RAPGEF4: variants seen among roughly 807,000 people sequenced by gnomAD.
The protein encoded by RAPGEF4 is RAP guanine-nucleotide-exchange factor (GEF) 4.
Under a neutral mutation model 147.9 loss-of-function variants are expected in RAPGEF4, and 66 were observed. The observed-to-expected ratio is 0.45, with a 90% CI of 0.37 to 0.55. The LOEUF (loss-of-function observed/expected upper bound fraction) is 0.55, where lower values mean the gene tolerates loss of function less well. Among genes scored for constraint, RAPGEF4 ranks in the 20% least tolerant of loss-of-function variants. The probability of loss-of-function intolerance (pLI) is 0.00; values close to 1 mark genes in which losing one functional copy is unlikely to be tolerated. For synonymous variants in RAPGEF4, 419 were observed against 442.7 expected, an observed-to-expected ratio of 0.95 and a Z score of 0.67; for missense variants, 1,071 against 1,257.3, an observed-to-expected ratio of 0.85 and a Z score of 2.24.
intron 1 of RAPGEF4, among the ~76,000 whole-genome samples, chr2:172,779,953 T>C (rs1472947960): frequency 3.9e-5 from 6 of 152,236 alleles, no homozygotes; most frequent in Non-Finnish European, 8.8e-5. Flanking sequence ...TAACCACTAA[T>C]GCCAGTTTTC....
rs113133768 is a variant in RAPGEF4, at chr2:172,817,347, C to T, written c.444+2922C>T. Among the ~76,000 whole-genome samples the T allele has an allele frequency of 1.7e-3, 263 of 152,210 alleles. 1 individual carries two copies. Among genetic ancestry groups the T allele is most frequent in the Middle Eastern group, 3.4e-3 (1 of 294 alleles). On this transcript the variant is annotated intron_variant, in intron 4 of 30. Coordinates refer to ENST00000397081, the MANE Select transcript of RAPGEF4 (RefSeq NM_007023.4). Reference sequence around the variant, plus strand: ...GATGATCTATACATGGCATATATAGCGCTAATCTGCTTGCAAAATATTTGA... The same window carrying T: ...GATGATCTATACATGGCATATATAGTGCTAATCTGCTTGCAAAATATTTGA...
intron 6 of RAPGEF4, among the ~76,000 whole-genome samples, chr2:172,931,649 C>T (rs549483654): frequency 6.6e-6 from 1 of 152,062 alleles, no homozygotes; most frequent in East Asian, 1.9e-4. Flanking sequence ...AAAGATGAAC[C>T]GGAATAGACA....
At chr2:172,900,081 C>T (rs910451921) in intron 4 of RAPGEF4, among the ~76,000 whole-genome samples, 9 of 152,250 alleles carry the variant, frequency 5.9e-5, no homozygotes, top group South Asian at 2.1e-4. Context: ...TTCCCCACTC[C>T]GAAGAGGACT....
intron 6 of RAPGEF4, among the ~76,000 whole-genome samples, chr2:172,952,209 T>C (rs1217829916): frequency 6.6e-6 from 1 of 152,064 alleles, no homozygotes; most frequent in African/African-American, 2.4e-5. Flanking sequence ...TAAAGGGAAA[T>C]GTCATAGTGT....
chr2:172,796,324 G>A (rs761910963), intron 2 of RAPGEF4, among the ~76,000 whole-genome samples: 12 of 152,104 alleles, frequency 7.9e-5, no homozygotes, highest in East Asian at 7.7e-4. Context: ...AGTGGCTCAC[G>A]CTTGTAATCC....
At chr2:172,989,679 G>A (rs923675218) in intron 14 of RAPGEF4, among the ~76,000 whole-genome samples, 2 of 152,174 alleles carry the variant, frequency 1.3e-5, no homozygotes, top group African/African-American at 2.4e-5. Context: ...CCCACCACCC[G>A]TGGCTTCTCA....
chr2:172,774,138 A>T (rs1683921945), intron 1 of RAPGEF4, among the ~76,000 whole-genome samples: 1 of 152,206 alleles, frequency 6.6e-6, no homozygotes, highest in African/African-American at 2.4e-5. Context: ...CTAAATGAGG[A>T]TGTGGATTCT....
chr2:172,753,795 T>C (rs896381752), intron 1 of RAPGEF4, among the ~76,000 whole-genome samples: 1 of 152,062 alleles, frequency 6.6e-6, no homozygotes. Flanking sequence ...ACATGTGACA[T>C]AATTGCTACC....
chr2:173,020,588 T>C (rs1409423690), intron 22 of RAPGEF4, 30 bp from the exon 23 acceptor site: 9 of 1,556,124 alleles, frequency 5.8e-6, no homozygotes, highest in African/African-American at 1.4e-5. Flanking sequence ...ATGTATTTAA[T>C]AGGCAATCTC....
At chr2:172,810,446 C>T (rs1297206674) in intron 3 of RAPGEF4, among the ~76,000 whole-genome samples, 1 of 152,200 alleles carries the variant, frequency 6.6e-6, no homozygotes, top group African/African-American at 2.4e-5. Flanking sequence ...ACATGCAGAT[C>T]AACATGCATG....
chr2:172,798,285 A>T (rs1161316709), intron 3 of RAPGEF4, among the ~76,000 whole-genome samples: 1 of 152,116 alleles, frequency 6.6e-6, no homozygotes, highest in East Asian at 1.9e-4. Context: ...AAAGAAAGAA[A>T]GAATATTAAA....
intron 4 of RAPGEF4, among the ~76,000 whole-genome samples, chr2:172,885,267 G>A (rs1559097215): frequency 6.6e-6 from 1 of 152,156 alleles, no homozygotes; most frequent in Admixed American, 6.5e-5. Flanking sequence ...TGGCGGTATT[G>A]GCTTTTCCTT....
intron 10 of RAPGEF4, 125 bp from the exon 11 acceptor site, chr2:172,983,371 C>T: frequency 1.4e-6 from 2 of 1,479,786 alleles, no homozygotes; most frequent in Non-Finnish European, 1.8e-6. Flanking sequence ...ACCTCTCCCT[C>T]CGCCAATATC....
At chr2:172,890,415 G>A (rs1697770230) in intron 4 of RAPGEF4, among the ~76,000 whole-genome samples, 1 of 152,182 alleles carries the variant, frequency 6.6e-6, no homozygotes, top group African/African-American at 2.4e-5. Context: ...TTCTTCGCAA[G>A]GAAGTTAGGC....
intron 3 of RAPGEF4, among the ~76,000 whole-genome samples, chr2:172,809,890 G>A (rs183170548): frequency 2.6e-4 from 40 of 152,220 alleles, no homozygotes; most frequent in Admixed American, 2.4e-3. Context: ...GGATTGCCTG[G>A]GATGGATTTG....
chr2:173,036,519 A>C, intron 28 of RAPGEF4, 109 bp from the exon 29 acceptor site: 1 of 868,202 alleles, frequency 1.2e-6, no homozygotes, highest in East Asian at 2.5e-5. Context: ...AGCTTTTTTC[A>C]ACTGTAGTGT....
chr2:172,856,805 T>C (rs1157809146), intron 4 of RAPGEF4, among the ~76,000 whole-genome samples: 5 of 152,146 alleles, frequency 3.3e-5, no homozygotes, highest in Admixed American at 3.3e-4. Context: ...TTCTAGCTGC[T>C]ATCATTTCCC....
At chr2:172,792,604 G>C (rs1685936165) in intron 1 of RAPGEF4, among the ~76,000 whole-genome samples, 1 of 152,178 alleles carries the variant, frequency 6.6e-6, no homozygotes, top group Admixed American at 6.5e-5. Context: ...GGGCCTAAAA[G>C]TGTGATGGGG....
intron 4 of RAPGEF4, among the ~76,000 whole-genome samples, chr2:172,876,664 A>G (rs1205782708): frequency 5.3e-5 from 8 of 152,154 alleles, no homozygotes; most frequent in African/African-American, 2.4e-5. Flanking sequence ...TATTTTATTG[A>G]GGATTTTTGC....
Sources: allele counts gnomAD v4.1 joint callset (sites outside exome capture counted in the v4.1 genomes callset), GRCh38; gene constraint gnomAD v4.1.1; transcripts MANE v1.5; gene names NCBI Gene and HGNC (gene_info 2026-07-23, HGNC 2026-07-21).